RIN2: variants seen among roughly 807,000 people sequenced by gnomAD.
The protein encoded by RIN2 is Ras and Rab interactor 2.
RIN2 carries 36 observed loss-of-function variants against 78.0 expected under a neutral mutation model. The ratio of observed to expected loss-of-function variants is 0.46; its 90% CI spans 0.35 to 0.61. The LOEUF (loss-of-function observed/expected upper bound fraction) is 0.61, where lower values mean the gene tolerates loss of function less well. Ranked by LOEUF, RIN2 falls within the 20% of genes least tolerant of loss-of-function variation. The pLI, the probability that RIN2 is intolerant of heterozygous loss-of-function variation, is 0.00. For synonymous variants in RIN2, 466 were observed against 466.8 expected, an observed-to-expected ratio of 1.00 and a Z score of 0.02; for missense variants, 1,087 against 1,159.7, an observed-to-expected ratio of 0.94 and a Z score of 0.91.
chr20:19,817,544 C>G (rs569816662), intron 2 of RIN2, among the ~76,000 whole-genome samples: 1 of 152,190 alleles, frequency 6.6e-6, no homozygotes, highest in East Asian at 1.9e-4. Context: ...ATTATAGCAC[C>G]AACACAATTA....
chr20:19,861,342 C>T (rs778550909), intron 2 of RIN2, among the ~76,000 whole-genome samples: 3 of 152,190 alleles, frequency 2.0e-5, no homozygotes, highest in Admixed American at 6.5e-5. Flanking sequence ...ATGATATGTT[C>T]CACCACAGCC....
chr20:19,838,809 A>G (rs924060852), intron 2 of RIN2, among the ~76,000 whole-genome samples: 1 of 152,040 alleles, frequency 6.6e-6, no homozygotes, highest in African/African-American at 2.4e-5. Context: ...CTAGTGTGGG[A>G]AGTAACTCTG....
At chr20:19,778,814 G>A (rs1037017106) in intron 1 of RIN2, among the ~76,000 whole-genome samples, 2 of 152,126 alleles carry the variant, frequency 1.3e-5, no homozygotes, top group Non-Finnish European at 2.9e-5. Flanking sequence ...GAAGGAAAGC[G>A]AGGCCCAGAG....
At chr20:19,802,245 C>A (rs958710234) in intron 2 of RIN2, among the ~76,000 whole-genome samples, 1 of 152,102 alleles carries the variant, frequency 6.6e-6, no homozygotes, top group African/African-American at 2.4e-5. Context: ...AGTATCAAGG[C>A]GGAATTTGGA....
At chr20:19,995,279 C>T (rs169205) in intron 11 of RIN2, among the ~76,000 whole-genome samples, 2 of 137,056 alleles carry the variant, frequency 1.5e-5, no homozygotes, top group Admixed American at 7.3e-5. Context: ...AAAAAAAAAA[C>T]AAAACACATT....
At chr20:19,878,932 C>T (rs1312448470) in intron 2 of RIN2, among the ~76,000 whole-genome samples, 1 of 152,156 alleles carries the variant, frequency 6.6e-6, no homozygotes, top group Admixed American at 6.5e-5. Context: ...CCATGCTAAC[C>T]ACACCTGCCC....
chr20:19,824,457 G>A (rs73275072), intron 2 of RIN2, among the ~76,000 whole-genome samples: 2 of 152,124 alleles, frequency 1.3e-5, no homozygotes, highest in East Asian at 1.9e-4. Flanking sequence ...AAAAATTAAC[G>A]CAGGCAGGTG....
intron 2 of RIN2, chr20:19,809,671 A>T (rs997889635): frequency 1.3e-5 from 2 of 152,338 alleles, no homozygotes; most frequent in African/African-American, 4.8e-5. Flanking sequence ...GCACAGCTGG[A>T]GAGGGAGCTC....
chr20:19,942,949 G>A (rs1418130699), intron 4 of RIN2, among the ~76,000 whole-genome samples: 1 of 152,210 alleles, frequency 6.6e-6, no homozygotes, highest in African/African-American at 2.4e-5. Flanking sequence ...AATTGGTTCT[G>A]CCATAAAATA....
intron 2 of RIN2, among the ~76,000 whole-genome samples, chr20:19,822,227 T>A (rs2122908058): frequency 6.6e-6 from 1 of 152,304 alleles, no homozygotes; most frequent in Admixed American, 6.5e-5. Context: ...GTTGACCAGC[T>A]CTTCAAGACT....
At chr20:19,803,821 A>T (rs2035320919) in intron 2 of RIN2, among the ~76,000 whole-genome samples, 1 of 152,130 alleles carries the variant, frequency 6.6e-6, no homozygotes, top group African/African-American at 2.4e-5. Flanking sequence ...GATTCTTCCT[A>T]TCCTTGAGCA....
chr20:19,877,161 A>G (rs1261755339), intron 2 of RIN2, among the ~76,000 whole-genome samples: 22 of 152,128 alleles, frequency 1.4e-4, no homozygotes, highest in Admixed American at 1.4e-3. Flanking sequence ...TGCTGTTACA[A>G]CCACCCAAAG....
intron 2 of RIN2, among the ~76,000 whole-genome samples, chr20:19,839,630 C>A (rs1435397194): frequency 6.6e-6 from 1 of 152,198 alleles, no homozygotes; most frequent in African/African-American, 2.4e-5. Context: ...ACCACCTCCC[C>A]CTGGAGGATC....
At chr20:19,937,365 G>A (rs2040689496) in intron 4 of RIN2, among the ~76,000 whole-genome samples, 1 of 152,168 alleles carries the variant, frequency 6.6e-6, no homozygotes, top group African/African-American at 2.4e-5. Flanking sequence ...CGGGCCCCTG[G>A]CTCTGCACGT....
At chr20:19,834,018 T>G (rs2036331194) in intron 2 of RIN2, among the ~76,000 whole-genome samples, 1 of 152,078 alleles carries the variant, frequency 6.6e-6, no homozygotes, top group African/African-American at 2.4e-5. Flanking sequence ...AGACCCCCAG[T>G]GGCCTGGTAA....
chr20:19,975,889 A>G lies in RIN2; in HGVS notation c.1762+102A>G. ...TATGAAGTTTACTCCGAAGTTCAAA[A>G]CAACACCCAGCTCCACCTTCTCTCC... On this transcript the variant is annotated intron_variant, in intron 9 of 12. Coordinates refer to ENST00000255006, the MANE Select transcript of RIN2 (RefSeq NM_018993.4). This position sits in a 1 kb window ranked among gnomAD's most constrained non-coding sequence, Gnocchi z 4.9. 1 of 1,107,166 alleles carries G rather than the reference A, an allele frequency of 9.0e-7. No homozygotes were observed. The highest frequency in any genetic ancestry group is 1.4e-5 in the South Asian group (1 of 73,894). The allele number at this position is 1,107,166 out of a possible 1,614,324, so 68.6% of individuals were successfully genotyped here. A position where few individuals can be genotyped will look rare whatever the true frequency, so the allele number is the denominator to read the frequency against.
intron 2 of RIN2, among the ~76,000 whole-genome samples, chr20:19,848,274 C>T (rs901294864): frequency 1.3e-5 from 2 of 151,988 alleles, no homozygotes; most frequent in Non-Finnish European, 2.9e-5. Context: ...GTGGCTCATG[C>T]CTGTAATCCC....
chr20:19,998,706 G>A (rs1218934646), intron 12 of RIN2, among the ~76,000 whole-genome samples: 1 of 152,148 alleles, frequency 6.6e-6, no homozygotes, highest in Non-Finnish European at 1.5e-5. Context: ...TCCTTCTGGA[G>A]CGCATAAACC....
intron 2 of RIN2, among the ~76,000 whole-genome samples, chr20:19,859,858 A>G (rs1049101770): frequency 2.6e-5 from 4 of 152,204 alleles, no homozygotes; most frequent in African/African-American, 4.8e-5. Context: ...CTTGGGAGTC[A>G]TGGATTCAAG....
Sources: allele counts gnomAD v4.1 joint callset (sites outside exome capture counted in the v4.1 genomes callset), GRCh38; gene constraint gnomAD v4.1.1; non-coding constraint Gnocchi (gnomAD v3.1); transcripts MANE v1.5; gene names NCBI Gene and HGNC (gene_info 2026-07-23, HGNC 2026-07-21).